The following SLCO3A1 variants were observed in gnomAD, a reference collection of about 807,000 sequenced individuals.
The protein encoded by SLCO3A1 is PGE1 transporter.
SLCO3A1 carries 27 observed loss-of-function variants against 63.1 expected under a neutral mutation model. The observed-to-expected ratio is 0.43, with a 90% confidence interval of 0.32 to 0.59. The LOEUF is 0.59. Ranked by LOEUF, SLCO3A1 falls within the 20% of genes least tolerant of loss-of-function variation. The probability of loss-of-function intolerance (pLI) is 0.09; values close to 1 mark genes in which losing one functional copy is unlikely to be tolerated. For missense variants in SLCO3A1, 773 were observed against 945.8 expected (o/e 0.82, Z 2.40); for synonymous variants, 473 against 409.9 (o/e 1.15, Z -1.86).
intron 2 of SLCO3A1, among the ~76,000 whole-genome samples, chr15:91,975,352 G>T (rs551625919): frequency 1.3e-5 from 2 of 152,188 alleles, no homozygotes; most frequent in Admixed American, 1.3e-4. Context: ...TCCCAAGCCT[G>T]TCCAGCAACA....
At position 91,853,831 on chromosome 15, in the gene SLCO3A1, C is replaced by G. The variant is rs1437901826; in HGVS notation, c.-78C>G. 2.6e-5 allele frequency: 31 copies of G among 1,187,776 alleles called. No individual in the cohort carries two copies. The highest frequency in any genetic ancestry group is 3.2e-5 in the Non-Finnish European group (31 of 963,958). The allele number at this position is 1,187,776 out of a possible 1,614,324, so 73.6% of individuals were successfully genotyped here. ...GCACGCAGCCTCGAGGCGCGCACCC[C>G]CGCCCGGCAGCGGCCCCGACACCCG... On this transcript the variant is annotated 5_prime_UTR_variant, in exon 1 of 10. Transcript: ENST00000318445.
chr15:91,915,922 T>G, intron 1 of SLCO3A1, 71 bp from the exon 2 acceptor site: 1 of 1,330,108 alleles, frequency 7.5e-7, no homozygotes, highest in Non-Finnish European at 1.1e-6. Context: ...GAGCGCACTG[T>G]CAGGCGGGAA....
At chr15:91,963,198 G>T (rs965007330) in intron 2 of SLCO3A1, among the ~76,000 whole-genome samples, 1 of 152,078 alleles carries the variant, frequency 6.6e-6, no homozygotes, top group Non-Finnish European at 1.5e-5. Context: ...TTCGAGGCCC[G>T]GGAAAGTCCT....
chr15:92,061,345 G>T (rs1381721362), intron 2 of SLCO3A1, among the ~76,000 whole-genome samples: 1 of 152,192 alleles, frequency 6.6e-6, no homozygotes, highest in Non-Finnish European at 1.5e-5. Flanking sequence ...TGTGGACATG[G>T]ATGAAAGGGA....
At chr15:91,858,490 AG>A (rs747656752) in intron 1 of SLCO3A1, among the ~76,000 whole-genome samples, 21 of 152,040 alleles carry the variant, frequency 1.4e-4, no homozygotes, top group Non-Finnish European at 2.5e-4. Flanking sequence ...TTTGTTTGTG[AG>A]GGGGTTTTTG....
intron 1 of SLCO3A1, among the ~76,000 whole-genome samples, chr15:91,907,940 C>A (rs1219166615): frequency 6.6e-6 from 1 of 152,066 alleles, no homozygotes; most frequent in Non-Finnish European, 1.5e-5. Context: ...AGTACAGAGG[C>A]CCAGAGAGAG....
intron 2 of SLCO3A1, among the ~76,000 whole-genome samples, chr15:92,063,137 T>G (rs1006560859): frequency 2.0e-5 from 3 of 152,244 alleles, no homozygotes; most frequent in African/African-American, 7.2e-5. Context: ...TTTATCCCTT[T>G]GGGAACCAGA....
intron 2 of SLCO3A1, among the ~76,000 whole-genome samples, chr15:92,041,008 T>C (rs1274887775): frequency 2.6e-5 from 4 of 152,136 alleles, no homozygotes; most frequent in Admixed American, 6.6e-5. Context: ...CCTGGACCCA[T>C]CTGACCTCAG....
chr15:92,042,630 T>C (rs887369952), intron 2 of SLCO3A1, among the ~76,000 whole-genome samples: 5 of 152,024 alleles, frequency 3.3e-5, no homozygotes, highest in African/African-American at 1.2e-4. Flanking sequence ...GACTGTAACA[T>C]GGAGGTGGAG....
intron 2 of SLCO3A1, among the ~76,000 whole-genome samples, chr15:91,955,626 C>T (rs573492911): frequency 6.6e-6 from 1 of 152,354 alleles, no homozygotes; most frequent in African/African-American, 2.4e-5. Flanking sequence ...GCCACTGCAC[C>T]CAGCCCATTC....
intron 2 of SLCO3A1, among the ~76,000 whole-genome samples, chr15:92,066,193 G>T (rs982152574): frequency 1.2e-4 from 19 of 152,204 alleles, no homozygotes; most frequent in African/African-American, 4.3e-4. Flanking sequence ...AAGAGAAGAG[G>T]CCAGGTCAAG....
At chr15:91,979,145 G>A (rs992991056) in intron 2 of SLCO3A1, among the ~76,000 whole-genome samples, 1 of 152,110 alleles carries the variant, frequency 6.6e-6, no homozygotes, top group African/African-American at 2.4e-5. Context: ...ACATATACGG[G>A]TTTAGTACCC....
chr15:92,078,873 A>G (rs1596080682), intron 2 of SLCO3A1, among the ~76,000 whole-genome samples: 3 of 152,112 alleles, frequency 2.0e-5, no homozygotes, highest in Admixed American at 2.0e-4. Context: ...CTAGCAACAG[A>G]CCTGCCTCAA....
At chr15:92,016,254 T>TTGATTGATTAGATAGATAGA (rs1555424442) in intron 2 of SLCO3A1, among the ~76,000 whole-genome samples, 9 of 95,658 alleles carry the variant, frequency 9.4e-5, no homozygotes, top group African/African-American at 3.2e-4. Context: ...GATAGATAGA[T>TTGATTGATTAGATAGATAGA]TAGATAGATA....
chr15:92,159,534 T>C (rs16946465), intron 9 of SLCO3A1, among the ~76,000 whole-genome samples: 2,438 of 151,200 alleles, frequency 0.016, 64 homozygotes, highest in African/African-American at 0.056. Flanking sequence ...CTCTGAAATA[T>C]TGAACAGAGC....
In SLCO3A1 at chr15:91,938,527, A is replaced by G. The variant is rs575985854; in HGVS notation, c.646+22069A>G. ...TCTAGGTATTTGTGTCACAGTTACAAGATGGTTCCTTATATCATTACAGTA... is the reference window on the plus strand; with the variant it reads ...TCTAGGTATTTGTGTCACAGTTACAGGATGGTTCCTTATATCATTACAGTA... On this transcript the variant is annotated intron_variant, in intron 2 of 9. Coordinates refer to ENST00000318445, the MANE Select transcript of SLCO3A1 (RefSeq NM_013272.4). 3.3e-5 allele frequency among the ~76,000 whole-genome samples: 5 copies of G among 150,382 alleles called. No homozygotes were observed. The South Asian group carries it at 1.0e-3, about 31-fold the overall frequency.
intron 2 of SLCO3A1, among the ~76,000 whole-genome samples, chr15:91,936,309 C>T (rs1176279215): frequency 6.6e-6 from 1 of 152,216 alleles, no homozygotes; most frequent in Non-Finnish European, 1.5e-5. Context: ...TGATCTGGAG[C>T]TGCACTGTCC....
At chr15:92,099,872 G>C (rs2047583635) in intron 3 of SLCO3A1, among the ~76,000 whole-genome samples, 1 of 152,054 alleles carries the variant, frequency 6.6e-6, no homozygotes, top group African/African-American at 2.4e-5. Flanking sequence ...GATCAGACCA[G>C]CCAATATGGT....
intron 1 of SLCO3A1, among the ~76,000 whole-genome samples, chr15:91,902,926 A>T (rs567576506): frequency 9.0e-4 from 137 of 152,360 alleles, no homozygotes; most frequent in Non-Finnish European, 1.5e-3. Context: ...CAAATTCGAA[A>T]TAATAATAGT....
Sources: allele counts gnomAD v4.1 joint callset (sites outside exome capture counted in the v4.1 genomes callset), GRCh38; gene constraint gnomAD v4.1.1; transcripts MANE v1.5; gene names NCBI Gene and HGNC (gene_info 2026-07-23, HGNC 2026-07-21).